The following IFT88 variants were observed in gnomAD, a reference collection of about 807,000 sequenced individuals.
IFT88 encodes the protein intraflagellar transport protein 88 homolog.
A neutral mutation model predicts 119.5 loss-of-function variants in IFT88; 74 were observed. The observed-to-expected ratio is 0.62, with a 90% CI of 0.51 to 0.75. The LOEUF is 0.75. Ranked by LOEUF, IFT88 falls within the 30% of genes least tolerant of loss-of-function variation. The pLI is 0.00. For missense variants in IFT88, 961 were observed against 977.7 expected (o/e 0.98, Z 0.23); for synonymous variants, 279 against 316.7 (o/e 0.88, Z 1.26).
At chr13:20,663,292 G>A in intron 22 of IFT88, 1 of 1,489,188 alleles carries the variant, frequency 6.7e-7, no homozygotes, top group Non-Finnish European at 9.0e-7. Context: ...AGGACACATG[G>A]AGAGAGACCC....
intron 22 of IFT88, among the ~76,000 whole-genome samples, chr13:20,658,253 T>C (rs2314236): frequency 0.24 from 33,997 of 143,678 alleles, 4,555 homozygotes; most frequent in African/African-American, 0.36. Context: ...CACGCCACCA[T>C]GCCCAACTAA....
intron 20 of IFT88, among the ~76,000 whole-genome samples, chr13:20,651,821 A>T (rs939260139): frequency 1.6e-4 from 24 of 152,300 alleles, no homozygotes; most frequent in African/African-American, 5.5e-4. Context: ...TCAGGTATCC[A>T]CTGGTGATCT....
chr13:20,675,230 C>T (rs926894252), intron 24 of IFT88, among the ~76,000 whole-genome samples: 1 of 152,022 alleles, frequency 6.6e-6, no homozygotes, highest in Non-Finnish European at 1.5e-5. Flanking sequence ...GAAGGAATTG[C>T]TGGACATCTA....
chr13:20,672,085 A>G (rs2055968827), intron 24 of IFT88, among the ~76,000 whole-genome samples: 1 of 152,194 alleles, frequency 6.6e-6, no homozygotes, highest in Admixed American at 6.5e-5. Context: ...CTGCCATGGT[A>G]GAGAAATGTA....
intron 12 of IFT88, among the ~76,000 whole-genome samples, chr13:20,603,403 A>G (rs979052547): frequency 1.3e-5 from 2 of 148,706 alleles, no homozygotes; most frequent in Non-Finnish European, 3.0e-5. Flanking sequence ...AAAAAAAAAA[A>G]GATTATAAGA....
chr13:20,605,653 A>G (rs2043307080), intron 13 of IFT88, among the ~76,000 whole-genome samples: 2 of 152,168 alleles, frequency 1.3e-5, no homozygotes, highest in South Asian at 4.1e-4. Flanking sequence ...GCTTAGTCCC[A>G]CAAGACTACT....
At chr13:20,589,130 G>A (rs1360751658) in intron 3 of IFT88, among the ~76,000 whole-genome samples, 2 of 151,732 alleles carry the variant, frequency 1.3e-5, no homozygotes, top group African/African-American at 4.8e-5. Context: ...TGTCTTGTTG[G>A]GTCTCTAATG....
intron 1 of IFT88, among the ~76,000 whole-genome samples, chr13:20,570,038 CAAA>C (rs71077721): frequency 4.5e-5 from 6 of 133,944 alleles, no homozygotes; most frequent in Non-Finnish European, 4.8e-5. Flanking sequence ...GATTCCGTCT[CAAA>C]AAAAAAAAAA....
chr13:20,613,130 G>A (rs982636383), intron 13 of IFT88, among the ~76,000 whole-genome samples: 1 of 152,118 alleles, frequency 6.6e-6, no homozygotes, highest in Non-Finnish European at 1.5e-5. Flanking sequence ...TTCAGAGGAC[G>A]CTATCCAGAG....
chr13:20,630,163 A>ACTC (rs751401943), intron 15 of IFT88, among the ~76,000 whole-genome samples: 8 of 151,982 alleles, frequency 5.3e-5, no homozygotes, highest in Non-Finnish European at 1.2e-4. Context: ...GCCTTCTGAA[A>ACTC]CTCCAATTAC....
At chr13:20,612,899 G>C (rs756765585) in intron 13 of IFT88, among the ~76,000 whole-genome samples, 1 of 152,136 alleles carries the variant, frequency 6.6e-6, no homozygotes, top group Non-Finnish European at 1.5e-5. Flanking sequence ...TCTTGCAAAA[G>C]AATGAAGTTG....
Position 20,691,415 on chromosome 13 carries a change from A to C in IFT88, c.*240A>C. On this transcript the variant is annotated 3_prime_UTR_variant, in exon 26 of 26. Transcript: ENST00000351808. Reference sequence around the variant, plus strand: ...CTTTTTGAAAACATTGACACACAGGAAGAAATAAATTTCATAACACAACCT... The same window carrying C: ...CTTTTTGAAAACATTGACACACAGGCAGAAATAAATTTCATAACACAACCT... 2.9e-6 allele frequency: 1 copy of C among 343,832 alleles called. No homozygotes were observed. The highest frequency in any genetic ancestry group is 5.3e-6 in the Non-Finnish European group (1 of 189,328). The allele number at this position is 343,832 out of a possible 1,614,324, so 21.3% of individuals were successfully genotyped here. A position where few individuals can be genotyped will look rare whatever the true frequency, so the allele number is the denominator to read the frequency against.
intron 2 of IFT88, among the ~76,000 whole-genome samples, chr13:20,582,167 G>A (rs1020363771): frequency 2.0e-5 from 3 of 152,020 alleles, no homozygotes; most frequent in Non-Finnish European, 4.4e-5. Flanking sequence ...TAGGAAATAC[G>A]GGATGGTTGG....
At chr13:20,621,646 T>C (rs146403108) in intron 14 of IFT88, among the ~76,000 whole-genome samples, 1,883 of 152,144 alleles carry the variant, frequency 0.012, 36 homozygotes, top group African/African-American at 0.041. Context: ...GTACAGAGTT[T>C]CCATATATTT....
At chr13:20,584,778 TGCTTC>T (rs2039345853) in intron 3 of IFT88, among the ~76,000 whole-genome samples, 1 of 152,230 alleles carries the variant, frequency 6.6e-6, no homozygotes, top group Non-Finnish European at 1.5e-5. Flanking sequence ...TTTGGAATGC[TGCTTC>T]TCCCTACCTA....
At chr13:20,634,517 T>A (rs944374446) in intron 16 of IFT88, among the ~76,000 whole-genome samples, 10 of 151,990 alleles carry the variant, frequency 6.6e-5, no homozygotes, top group African/African-American at 2.4e-4. Context: ...CTAGCCAACA[T>A]GGTGAAACCT....
At chr13:20,621,903 C>G (rs2046580937) in intron 14 of IFT88, among the ~76,000 whole-genome samples, 1 of 152,166 alleles carries the variant, frequency 6.6e-6, no homozygotes. Context: ...TCATCCCTCC[C>G]TCTCCCAAAC....
Position 20,643,480 on chromosome 13 carries a change from C to G in IFT88, c.1708C>G (p.Gln570Glu), listed in dbSNP as rs776162848. ...ATATGAATTAATGGAAAATCCCAGT[C>G]AAGCTATTGAATGGCTAATGCAGGT... ...NIYELMENPS[Q>E]AIEWLMQVVS... The change falls in exon 19 of 26, where the codon CAA (glutamine) becomes GAA (glutamate). Residue 570 changes from glutamine to glutamate, a missense_variant. Physicochemically the swap from Gln to Glu is conservative, Grantham distance 29. Coordinates refer to ENST00000351808, the MANE Select transcript of IFT88 (RefSeq NM_006531.5). 1.2e-6 allele frequency: 2 copies of G among 1,603,274 alleles called. No homozygotes were observed. The highest frequency in any genetic ancestry group is 1.8e-5 in the Admixed American group (1 of 56,618).
chr13:20,655,047 G>A (rs2052501752), intron 21 of IFT88, among the ~76,000 whole-genome samples: 1 of 152,108 alleles, frequency 6.6e-6, no homozygotes, highest in African/African-American at 2.4e-5. Flanking sequence ...AAAGATCTTT[G>A]ACCCAAATTC....
Sources: allele counts gnomAD v4.1 joint callset (sites outside exome capture counted in the v4.1 genomes callset), GRCh38; gene constraint gnomAD v4.1.1; transcripts MANE v1.5; gene names NCBI Gene and HGNC (gene_info 2026-07-23, HGNC 2026-07-21).